Variants in MCM8 observed in about 807,000 individuals in gnomAD.
MCM8 encodes DNA helicase MCM8.
Under a neutral mutation model 98.9 loss-of-function variants are expected in MCM8, and 85 were observed. The observed-to-expected ratio is 0.86, with a 90% confidence interval of 0.72 to 1.03. MCM8 has a LOEUF of 1.03. MCM8 is among the 50% of genes least tolerant of loss of function. The pLI is 0.00. For synonymous variants in MCM8, 352 were observed against 338.6 expected, an observed-to-expected ratio of 1.04 and a Z score of -0.44; for missense variants, 951 against 997.8, an observed-to-expected ratio of 0.95 and a Z score of 0.63.
At chr20:5,977,848 G>A (rs376471798) in intron 12 of MCM8, 28 bp from the exon 13 acceptor site, 81 of 1,609,920 alleles carry the variant, frequency 5.0e-5, no homozygotes, top group Non-Finnish European at 6.7e-5. Context: ...TACTTTGGAT[G>A]ATTCTCTTAA....
At chr20:5,974,932 T>C (rs1286886161) in intron 12 of MCM8, among the ~76,000 whole-genome samples, 2 of 152,240 alleles carry the variant, frequency 1.3e-5, no homozygotes, top group Non-Finnish European at 2.9e-5. Context: ...CAACAGAGGC[T>C]CAGGGTACCC....
chr20:5,961,126 A>G (rs1323020330), intron 7 of MCM8, among the ~76,000 whole-genome samples: 1 of 152,242 alleles, frequency 6.6e-6, no homozygotes, highest in Non-Finnish European at 1.5e-5. Flanking sequence ...CTGTAGTCCC[A>G]ACTACTCAGT....
Position 5,984,815 on chromosome 20 carries a change from G to A in MCM8, c.1768G>A (p.Val590Ile), listed in dbSNP as rs2089697267. Residue 590 changes from valine (V) to isoleucine (I), a missense_variant, in exon 15 of 19, where the codon GTC becomes ATC. Coordinates refer to ENST00000610722, the MANE Select transcript of MCM8 (RefSeq NM_032485.6). Reference sequence around the variant, plus strand: ...TGCACTACTATCCAGATTTGATTTGGTCTTTATCCTGTTAGATACTCCAAA... The same window carrying A: ...TGCACTACTATCCAGATTTGATTTGATCTTTATCCTGTTAGATACTCCAAA... ...GSALLSRFDLVFILLDTPNEH... is the reference protein window; with the variant it reads ...GSALLSRFDLIFILLDTPNEH... The A allele has an allele frequency of 6.2e-7, 1 of 1,613,630 alleles. No individual in the cohort carries two copies. Among genetic ancestry groups the A allele is most frequent in the East Asian group, 2.2e-5 (1 of 44,880 alleles).
chr20:5,972,351 A>T (rs531215135), intron 11 of MCM8, among the ~76,000 whole-genome samples: 22 of 151,878 alleles, frequency 1.4e-4, no homozygotes, highest in African/African-American at 5.1e-4. Flanking sequence ...AACTACAGGC[A>T]TGCACCACCA....
At chr20:5,983,211 T>A in intron 14 of MCM8, 46 bp downstream of exon 14, 1 of 1,452,886 alleles carries the variant, frequency 6.9e-7, no homozygotes, top group Non-Finnish European at 9.4e-7. Context: ...TGAATCACTT[T>A]AATTCAATAA....
chr20:5,954,350 A>G (rs2088914239), intron 3 of MCM8, among the ~76,000 whole-genome samples: 1 of 152,216 alleles, frequency 6.6e-6, no homozygotes, highest in Non-Finnish European at 1.5e-5. Flanking sequence ...TTAGGTGTCA[A>G]AGATGCAAAA....
intron 7 of MCM8, among the ~76,000 whole-genome samples, chr20:5,959,725 G>C: frequency 8.3e-6 from 1 of 119,810 alleles, no homozygotes. Flanking sequence ...TTGAGACGGA[G>C]TCTCGCTCTG....
intron 12 of MCM8, among the ~76,000 whole-genome samples, chr20:5,974,251 C>T (rs954317653): frequency 6.6e-6 from 1 of 152,200 alleles, no homozygotes; most frequent in Non-Finnish European, 1.5e-5. Flanking sequence ...CCAACTCAGC[C>T]TCTCAAGTAG....
chr20:5,964,201 G>A (rs1379722474), intron 8 of MCM8, among the ~76,000 whole-genome samples: 1 of 143,946 alleles, frequency 6.9e-6, no homozygotes, highest in African/African-American at 2.5e-5. Context: ...TTTTCTAGCT[G>A]TAGATCTATA....
intron 8 of MCM8, among the ~76,000 whole-genome samples, chr20:5,966,501 T>C (rs2089277959): frequency 6.6e-6 from 1 of 152,206 alleles, no homozygotes; most frequent in Non-Finnish European, 1.5e-5. Flanking sequence ...TAGTGGCTTA[T>C]TCCTGTTTTA....
intron 13 of MCM8, among the ~76,000 whole-genome samples, chr20:5,979,653 A>G (rs771657331): frequency 1.6e-4 from 24 of 152,118 alleles, no homozygotes; most frequent in Non-Finnish European, 2.4e-4. Flanking sequence ...CTGTACCATC[A>G]AAATATATCT....
At chr20:5,983,803 T>C (rs760825381) in intron 14 of MCM8, among the ~76,000 whole-genome samples, 18 of 152,242 alleles carry the variant, frequency 1.2e-4, no homozygotes, top group South Asian at 6.2e-4. Context: ...CTGTTTGTTA[T>C]AGCCACTCTA....
At chr20:5,986,686 A>G (rs1198452963) in intron 16 of MCM8, among the ~76,000 whole-genome samples, 1 of 152,224 alleles carries the variant, frequency 6.6e-6, no homozygotes, top group Non-Finnish European at 1.5e-5. Context: ...TCCTAAAAGT[A>G]AAAGGCAAGG....
intron 12 of MCM8, among the ~76,000 whole-genome samples, chr20:5,976,263 AC>A (rs2089509102): frequency 6.6e-6 from 1 of 152,228 alleles, no homozygotes; most frequent in Admixed American, 6.5e-5. Flanking sequence ...CTTGTTTCTT[AC>A]AGAAAATTAA....
Position 5,984,848 on chromosome 20 carries a change from C to G in MCM8, c.1801C>G (p.His601Asp). 1 of 1,614,104 alleles carries G rather than the reference C, an allele frequency of 6.2e-7. No individual in the cohort carries two copies. The highest frequency in any genetic ancestry group is 8.5e-7 in the Non-Finnish European group (1 of 1,179,978). Residue 601 changes from histidine to aspartate, a missense_variant, in exon 15 of 19, where the codon CAT becomes GAT. Transcript: ENST00000610722. ...FILLDTPNEH[H>D]DHLLSEHVIA... Reference sequence around the variant, plus strand: ...CCTGTTAGATACTCCAAATGAGCATCATGATCACTTACTCTCTGAACATGT... The same window carrying G: ...CCTGTTAGATACTCCAAATGAGCATGATGATCACTTACTCTCTGAACATGT...
intron 16 of MCM8, 53 bp downstream of exon 16, chr20:5,986,184 C>T: frequency 6.6e-7 from 1 of 1,506,912 alleles, no homozygotes; most frequent in Non-Finnish European, 9.2e-7. Flanking sequence ...GAAGGGTGTG[C>T]CTTGACTTCT....
rs759914171 is a variant in MCM8 at position 5,958,637 on chromosome 20, CTT to C, written c.702_703del (p.Cys235HisfsTer64). On this transcript the variant is annotated frameshift_variant, in exon 7 of 19. Coordinates refer to ENST00000610722, the MANE Select transcript of MCM8 (RefSeq NM_032485.6). LOFTEE classifies it high-confidence loss of function. ...TVVRVSNIKP[L>X]CTKMAFLCAA... ...GGTTCGTGTCAGTAATATAAAGCCT[CTT>C]TGCACCAAGATGGCTTTTCTTTGTG... The C allele has an allele frequency of 1.2e-6, 2 of 1,614,122 alleles. No individual in the cohort carries two copies. The highest frequency in any genetic ancestry group is 8.5e-7 in the Non-Finnish European group (1 of 1,179,994).
At chr20:5,962,385 T>TTTTG (rs2089170145) in intron 7 of MCM8, among the ~76,000 whole-genome samples, 1 of 85,078 alleles carries the variant, frequency 1.2e-5, no homozygotes, top group East Asian at 3.7e-4. Flanking sequence ...TTTTTTTTTT[T>TTTTG]GAGACGGAGT....
intron 17 of MCM8, among the ~76,000 whole-genome samples, chr20:5,989,861 TTG>T (rs1312732441): frequency 1.3e-5 from 2 of 152,224 alleles, no homozygotes; most frequent in East Asian, 3.8e-4. Context: ...GTCTCAGAGT[TTG>T]TAAGCAACCG....
Sources: gnomAD v4.1 joint callset for allele counts (sites outside exome capture counted in the v4.1 genomes callset) on GRCh38, gnomAD v4.1.1 for gene constraint, MANE v1.5 for transcripts, NCBI Gene and HGNC (gene_info 2026-07-23, HGNC 2026-07-21) for gene names.